Variants in FRMPD4 observed in about 807,000 individuals in gnomAD.
FRMPD4 encodes the protein FERM and PDZ domain-containing protein 4.
A neutral mutation model predicts 94.1 loss-of-function variants in FRMPD4; 22 were observed. The observed-to-expected ratio is 0.23, with a 90% CI of 0.17 to 0.33. The LOEUF is 0.33. Among genes scored for constraint, FRMPD4 ranks in the 10% least tolerant of loss-of-function variants. FRMPD4 has a pLI of 1.00. For synonymous variants in FRMPD4, 631 were observed against 548.6 expected (o/e 1.15, Z -2.10); for missense variants, 1,111 against 1,339.9 (o/e 0.83, Z 2.67).
At chrX:12,418,520 T>C (rs2056841767) in intron 1 of FRMPD4, among the ~76,000 whole-genome samples, 1 of 108,337 alleles carries the variant, frequency 9.2e-6, no homozygotes, top group Non-Finnish European at 1.9e-5. Context: ...CACCAATGCC[T>C]GGCTAATTTT....
rs756135645 is a variant in FRMPD4 at position 12,716,772 on chromosome X, C to T, written c.2313C>T (p.Leu771=). The T allele has an allele frequency of 2.5e-6, 3 of 1,211,187 alleles. No homozygotes were observed. Among genetic ancestry groups the T allele is most frequent in the Admixed American group, 4.3e-5 (2 of 46,109 alleles). Residue 771 remains leucine, a synonymous_variant, in exon 15 of 17, where the codon CTC becomes CTT. Coordinates refer to ENST00000675598, the MANE Select transcript of FRMPD4 (RefSeq NM_001368397.1). ...GGGAGATGAACCAGCCGGCCATCCT[C>T]AACCTGTCTGGGTCAAGCGATGACA... ...VVGEMNQPAI[L]NLSGSSDDII... is the part of the protein sequence containing the mutation.
intron 3 of FRMPD4, among the ~76,000 whole-genome samples, chrX:11,897,633 G>T (rs753105733): frequency 1.8e-5 from 2 of 112,083 alleles, no homozygotes; most frequent in Non-Finnish European, 3.8e-5. Context: ...ATGAATGTAG[G>T]AAATATTGTT....
rs1160014744 is a variant in FRMPD4, at chrX:12,720,822, G to A, written c.4253G>A (p.Arg1418Gln). The A allele has an allele frequency of 2.1e-6, 2 of 952,775 alleles. No individual in the cohort carries two copies. Among genetic ancestry groups the A allele is most frequent in the Non-Finnish European group, 1.3e-6 (1 of 763,555 alleles). The allele number at this position is 952,775 out of a possible 1,213,427, so 78.5% of individuals were successfully genotyped here. The change falls in exon 17 of 17, where the codon CGA becomes CAA. Residue 1418 changes from arginine to glutamine, a missense_variant. Physicochemically the swap from Arg to Gln is conservative, Grantham distance 43. Around this residue, in one of 8 missense-constraint regions of FRMPD4, gnomAD observed 551 missense variants for 591.6 expected, o/e 0.93. Transcript: ENST00000675598. ...GGATCTGTCGATTTGGAGACCTTCC[G>A]AGAGAGAACCAAGGGTGCAGTCAGC... Reference protein sequence around the residue: ...LSGSVDLETFRERTKGAVSLK... With the variant: ...LSGSVDLETFQERTKGAVSLK...
intron 13 of FRMPD4, among the ~76,000 whole-genome samples, chrX:12,708,630 A>G (rs1020122348): frequency 8.1e-5 from 9 of 111,451 alleles, no homozygotes; most frequent in African/African-American, 2.9e-4. Context: ...TACTGTTTCT[A>G]TGAAGAAAAG....
chrX:11,980,690 G>A (rs1422758405), intron 3 of FRMPD4, among the ~76,000 whole-genome samples: 1 of 111,535 alleles, frequency 9.0e-6, no homozygotes, highest in East Asian at 2.8e-4. Context: ...TTTACAACTA[G>A]ATGAGTTTTC....
intron 1 of FRMPD4, among the ~76,000 whole-genome samples, chrX:12,473,651 C>A (rs1272717847): frequency 2.7e-5 from 3 of 109,401 alleles, no homozygotes; most frequent in African/African-American, 7.0e-5. Flanking sequence ...CAAAAAAAGG[C>A]AGGGGTTGCA....
chrX:12,507,718 G>A (rs185788658), intron 2 of FRMPD4, among the ~76,000 whole-genome samples: 34 of 112,092 alleles, frequency 3.0e-4, no homozygotes, highest in African/African-American at 1.1e-3. Context: ...TCTATGATGT[G>A]TCTTCTGTCA....
At chrX:12,055,385 G>A (rs2054848199) in intron 3 of FRMPD4, among the ~76,000 whole-genome samples, 1 of 111,213 alleles carries the variant, frequency 9.0e-6, no homozygotes. Context: ...GTGATAGTGA[G>A]TGAATTCTCA....
intron 1 of FRMPD4, among the ~76,000 whole-genome samples, chrX:12,308,515 C>G (rs5935293): frequency 0.33 from 36,574 of 110,288 alleles, 4,452 homozygotes; most frequent in Admixed American, 0.52. Context: ...CTTTGGACTT[C>G]TCTTCCCTGC....
intron 9 of FRMPD4, among the ~76,000 whole-genome samples, chrX:12,698,863 C>T (rs994860709): frequency 1.1e-4 from 12 of 111,114 alleles, no homozygotes; most frequent in East Asian, 2.8e-4. Context: ...GGCAACCTTG[C>T]GAGTTCATTG....
chrX:12,405,385 T>A (rs1237223394), intron 1 of FRMPD4, among the ~76,000 whole-genome samples: 1 of 111,383 alleles, frequency 9.0e-6, no homozygotes, highest in Admixed American at 9.6e-5. Context: ...TTTTTTAATT[T>A]TTAATTTTTA....
intron 3 of FRMPD4, among the ~76,000 whole-genome samples, chrX:11,983,413 C>G (rs2054407737): frequency 8.9e-6 from 1 of 111,951 alleles, no homozygotes; most frequent in Non-Finnish European, 1.9e-5. Flanking sequence ...TTGCTTTTAG[C>G]AGAATCCTGA....
chrX:12,265,981 A>G (rs2054267226), intron 1 of FRMPD4, among the ~76,000 whole-genome samples: 1 of 108,121 alleles, frequency 9.2e-6, no homozygotes, highest in Non-Finnish European at 1.9e-5. Context: ...AATACAAAAA[A>G]AATTAGCCGG....
intron 3 of FRMPD4, among the ~76,000 whole-genome samples, chrX:11,915,155 A>G (rs1601836855): frequency 8.9e-6 from 1 of 112,690 alleles, no homozygotes; most frequent in East Asian, 2.8e-4. Flanking sequence ...AACCTTGCAA[A>G]TATAAATAAG....
At chrX:12,547,272 T>C (rs1323665073) in intron 2 of FRMPD4, among the ~76,000 whole-genome samples, 3 of 110,889 alleles carry the variant, frequency 2.7e-5, no homozygotes, top group Non-Finnish European at 5.7e-5. Context: ...GACACACAGC[T>C]AGCAAACAGC....
At chrX:12,334,560 T>G (rs886523244) in intron 1 of FRMPD4, among the ~76,000 whole-genome samples, 1 of 110,719 alleles carries the variant, frequency 9.0e-6, no homozygotes, top group Non-Finnish European at 1.9e-5. Context: ...AGCCTCTCTC[T>G]GTTCCTCTGC....
rs1251740313 is a variant in FRMPD4, at chrX:12,582,249, CTT to C, written c.159-27470_159-27469del. On this transcript the variant is annotated intron_variant, in intron 2 of 16. Coordinates refer to ENST00000675598, the MANE Select transcript of FRMPD4 (RefSeq NM_001368397.1). The stretch of plus-strand genomic sequence containing the variant: ...AGATCCCTGAAGATGGTTGCTTTCT[CTT>C]TGTATTGGTTCCTTTCTGAGACAGA... Among the ~76,000 whole-genome samples the C allele has an allele frequency of 3.6e-5, 4 of 112,359 alleles. No individual in the cohort carries two copies. In the East Asian group the frequency reaches 1.1e-3, roughly 31 times the overall value.
intron 1 of FRMPD4, among the ~76,000 whole-genome samples, chrX:12,159,475 A>G (rs2055988048): frequency 8.9e-6 from 1 of 112,150 alleles, no homozygotes; most frequent in South Asian, 3.8e-4. Flanking sequence ...GTACCTTCTC[A>G]GTGTTGTGAG....
intron 3 of FRMPD4, among the ~76,000 whole-genome samples, chrX:11,901,122 T>A (rs181766466): frequency 1.3e-4 from 15 of 111,997 alleles, no homozygotes; most frequent in Admixed American, 4.7e-4. Flanking sequence ...ATTTCAATAG[T>A]TTTGGGGGTA....
Sources: allele counts gnomAD v4.1 joint callset (sites outside exome capture counted in the v4.1 genomes callset), GRCh38; gene constraint gnomAD v4.1.1; regional missense constraint gnomAD v4.1.1; transcripts MANE v1.5; gene names NCBI Gene and HGNC (gene_info 2026-07-23, HGNC 2026-07-21).